The following STT3B variants were observed in gnomAD, a reference collection of about 807,000 sequenced individuals.
The protein encoded by STT3B is STT3 oligosaccharyltransferase complex catalytic subunit B.
Under a neutral mutation model 96.8 loss-of-function variants are expected in STT3B, and 29 were observed. The ratio of observed to expected loss-of-function variants is 0.30; its 90% CI spans 0.22 to 0.41. The LOEUF (loss-of-function observed/expected upper bound fraction) is 0.41. STT3B is among the 10% of genes least tolerant of loss of function. STT3B has a pLI of 1.00. For synonymous variants in STT3B, 367 were observed against 360.0 expected, an observed-to-expected ratio of 1.02 and a Z score of -0.22; for missense variants, 640 against 1,022.3, an observed-to-expected ratio of 0.63 and a Z score of 5.10.
At chr3:31,618,460 T>C (rs1307897288) in intron 8 of STT3B, among the ~76,000 whole-genome samples, 6 of 152,016 alleles carry the variant, frequency 3.9e-5, no homozygotes, top group African/African-American at 1.4e-4. Flanking sequence ...TTGTGGTTTT[T>C]TTTTTTAAAG....
At chr3:31,583,284 G>A (rs1268022200) in intron 3 of STT3B, among the ~76,000 whole-genome samples, 1 of 151,644 alleles carries the variant, frequency 6.6e-6, no homozygotes, top group African/African-American at 2.4e-5. Flanking sequence ...TATATATTGG[G>A]TTCTTTCTCT....
At chr3:31,551,674 G>A (rs894875249) in intron 1 of STT3B, among the ~76,000 whole-genome samples, 1 of 152,204 alleles carries the variant, frequency 6.6e-6, no homozygotes, top group South Asian at 2.1e-4. Flanking sequence ...AGGTGGCTTT[G>A]TAAATCTTTA....
In STT3B at chr3:31,600,354, C is replaced by CT; in HGVS notation, c.778-5dup. The CT allele has an allele frequency of 7.2e-7, 1 of 1,397,164 alleles. No individual in the cohort carries two copies. Among genetic ancestry groups the CT allele is most frequent in the South Asian group, 1.3e-5 (1 of 76,862 alleles). 86.5% of individuals were successfully genotyped at this position (1,397,164 alleles called of 1,614,324 possible). A position where few individuals can be genotyped will look rare whatever the true frequency, so the allele number is the denominator to read the frequency against. ...TATATTTAACTTAGCACTTCTTTTC[C>CT]TATAGGTCTCTGCTTGGGGTGGTTA... On this transcript the variant is annotated splice_region_variant and splice_polypyrimidine_tract_variant and intron_variant, in intron 4 of 15. Transcript: ENST00000295770.
intron 3 of STT3B, among the ~76,000 whole-genome samples, chr3:31,583,556 T>C (rs1698463299): frequency 6.6e-6 from 1 of 152,178 alleles, no homozygotes; most frequent in Admixed American, 6.5e-5. Flanking sequence ...CCTGCTCTCT[T>C]TTGGTTACTA....
In STT3B at chr3:31,625,150, T is replaced by G. The variant is rs1252742752; in HGVS notation, c.1899+65T>G. The G allele has an allele frequency of 3.5e-6, 5 of 1,420,738 alleles. No homozygotes were observed. The Admixed American group carries it at 8.6e-5, about 24-fold the overall frequency. The allele number at this position is 1,420,738 out of a possible 1,614,324, so 88.0% of individuals were successfully genotyped here. A position where few individuals can be genotyped will look rare whatever the true frequency, so the allele number is the denominator to read the frequency against. Reference sequence around the variant, plus strand: ...CACTCCTTAGCAATCAGGCTTCACTTGTGACTAAATAGGAAAAATGTGGGT... The same window carrying G: ...CACTCCTTAGCAATCAGGCTTCACTGGTGACTAAATAGGAAAAATGTGGGT... On this transcript the variant is annotated intron_variant, in intron 12 of 15. Transcript: ENST00000295770.
chr3:31,593,346 G>GT lies in STT3B; in HGVS notation c.712-3443dup, dbSNP rs575042990. 1.3e-4 allele frequency among the ~76,000 whole-genome samples: 20 copies of GT among 150,196 alleles called. No individual in the cohort carries two copies. The East Asian group carries it at 1.8e-3, about 13-fold the overall frequency. On this transcript the variant is annotated intron_variant, in intron 3 of 15. Transcript: ENST00000295770. ...CAATCATATCGTTACTTCCTTGTGG[G>GT]TTTTTTTTTCTTTCTCTTTTCAACT...
intron 5 of STT3B, among the ~76,000 whole-genome samples, chr3:31,614,085 G>A (rs1317663542): frequency 6.6e-6 from 1 of 151,870 alleles, no homozygotes; most frequent in Non-Finnish European, 1.5e-5. Context: ...TCTTTTAAAA[G>A]CAAATGAATA....
chr3:31,569,187 T>C (rs920269955), intron 1 of STT3B, among the ~76,000 whole-genome samples: 2 of 152,052 alleles, frequency 1.3e-5, no homozygotes, highest in Admixed American at 1.3e-4. Flanking sequence ...TAAAAAACTT[T>C]TTTTTCTTTC....
At chr3:31,569,211 C>G (rs991225235) in intron 1 of STT3B, among the ~76,000 whole-genome samples, 1 of 151,990 alleles carries the variant, frequency 6.6e-6, no homozygotes, top group Non-Finnish European at 1.5e-5. Flanking sequence ...AAGCTGTTCT[C>G]GAACTCCTGG....
chr3:31,600,364 CTGCT>C lies in STT3B; in HGVS notation c.785_788del (p.Ala262GlyfsTer20), dbSNP rs1268146258. 1 of 1,512,402 alleles carries C rather than the reference CTGCT, an allele frequency of 6.6e-7. No homozygotes were observed. 93.7% of individuals were successfully genotyped at this position (1,512,402 alleles called of 1,614,324 possible). A position where few individuals can be genotyped will look rare whatever the true frequency, so the allele number is the denominator to read the frequency against. On this transcript the variant is annotated frameshift_variant, in exon 5 of 16. Coordinates refer to ENST00000295770, the MANE Select transcript of STT3B (RefSeq NM_178862.3). LOFTEE classifies it high-confidence loss of function. ...TTAGCACTTCTTTTCCTATAGGTCT[CTGCT>C]TGGGGTGGTTATGTATTTATCATCA... is the stretch of plus-strand genomic sequence containing the variant.
chr3:31,582,470 T>G (rs1212026574), intron 3 of STT3B, among the ~76,000 whole-genome samples: 1 of 151,944 alleles, frequency 6.6e-6, no homozygotes, highest in Non-Finnish European at 1.5e-5. Flanking sequence ...AATTTTTGTA[T>G]TTTTAGTAGA....
intron 5 of STT3B, among the ~76,000 whole-genome samples, chr3:31,609,555 A>G (rs1253742117): frequency 6.6e-6 from 1 of 152,120 alleles, no homozygotes; most frequent in East Asian, 1.9e-4. Context: ...AGTTATCAGT[A>G]CCAGATACAC....
At chr3:31,566,869 C>G (rs1234642193) in intron 1 of STT3B, among the ~76,000 whole-genome samples, 1 of 152,170 alleles carries the variant, frequency 6.6e-6, no homozygotes, top group African/African-American at 2.4e-5. Flanking sequence ...TTCCAGTGCT[C>G]TATTTCCAGT....
At chr3:31,598,311 G>A (rs930337444) in intron 4 of STT3B, among the ~76,000 whole-genome samples, 11 of 152,024 alleles carry the variant, frequency 7.2e-5, no homozygotes, top group Non-Finnish European at 8.8e-5. Context: ...TTAGTTTTTC[G>A]TATTGGAGTT....
At chr3:31,580,580 G>A (rs1410563548) in intron 3 of STT3B, among the ~76,000 whole-genome samples, 3 of 152,066 alleles carry the variant, frequency 2.0e-5, no homozygotes, top group African/African-American at 7.2e-5. Context: ...GCTTTAGCTT[G>A]TAATTTTCCA....
At chr3:31,535,654 C>T (rs779145060) in intron 1 of STT3B, among the ~76,000 whole-genome samples, 6 of 152,042 alleles carry the variant, frequency 3.9e-5, no homozygotes, top group Non-Finnish European at 8.8e-5. Context: ...ACCCGGGAGG[C>T]GAAGGTTGCA....
At chr3:31,547,210 AT>A (rs1302947981) in intron 1 of STT3B, among the ~76,000 whole-genome samples, 2 of 151,864 alleles carry the variant, frequency 1.3e-5, no homozygotes, top group African/African-American at 4.8e-5. Flanking sequence ...TTATTCCTCA[AT>A]TTTTTTTCCC....
At chr3:31,591,713 CA>C (rs1698667368) in intron 3 of STT3B, among the ~76,000 whole-genome samples, 1 of 151,966 alleles carries the variant, frequency 6.6e-6, no homozygotes, top group South Asian at 2.1e-4. Context: ...ATCTACCTAA[CA>C]ATACAGATTA....
At chr3:31,629,244 G>T in intron 13 of STT3B, 54 bp from the exon 14 acceptor site, 1 of 980,680 alleles carries the variant, frequency 1.0e-6, no homozygotes, top group South Asian at 1.4e-5. Context: ...GGAAACTGTA[G>T]CTTTGAATAT....
Sources: allele counts gnomAD v4.1 joint callset (sites outside exome capture counted in the v4.1 genomes callset), GRCh38; gene constraint gnomAD v4.1.1; transcripts MANE v1.5; gene names NCBI Gene and HGNC (gene_info 2026-07-23, HGNC 2026-07-21).